The following AHNAK variants were observed in gnomAD, a reference collection of about 807,000 sequenced individuals.
AHNAK encodes AHNAK nucleoprotein.
A neutral mutation model predicts 37.8 loss-of-function variants in AHNAK; 23 were observed. The ratio of observed to expected loss-of-function variants is 0.61; its 90% CI spans 0.44 to 0.86. AHNAK has a LOEUF of 0.86. Ranked by LOEUF, AHNAK falls within the 40% of genes least tolerant of loss-of-function variation. The pLI is 0.00. For synonymous variants in AHNAK, 2,481 were observed against 2,636.3 expected (o/e 0.94, Z 1.80); for missense variants, 7,411 against 7,319.4 (o/e 1.01, Z -0.46).
intron 5 of AHNAK, among the ~76,000 whole-genome samples, chr11:62,445,781 C>T (rs1368305942): frequency 6.6e-6 from 1 of 151,680 alleles, no homozygotes; most frequent in Non-Finnish European, 1.5e-5. Flanking sequence ...CTTTGGGAGG[C>T]TGAGGCAGCC....
rs1661242369 is a variant in AHNAK at position 62,533,603 on chromosome 11, C to G, written c.814G>C (p.Gly272Arg). 1.9e-6 allele frequency: 3 copies of G among 1,614,042 alleles called. No homozygotes were observed. Among genetic ancestry groups the G allele is most frequent in the Non-Finnish European group, 2.5e-6 (3 of 1,180,038 alleles). The change falls in exon 5 of 5, where the codon GGG (glycine) becomes CGG (arginine). Residue 272 changes from glycine to arginine, a missense_variant. By Grantham distance (125) the Gly-to-Arg change is moderately radical (BLOSUM62 -2). Coordinates refer to ENST00000378024, the MANE Select transcript of AHNAK (RefSeq NM_001620.3). ...AKGLDLGGRG[G>R]VQVPAVDISS... Reference sequence around the variant, plus strand: ...ATGTCCACTGCTGGAACTTGGACCCCTCCTCTGCCACCCAAGTCCAAGCCC... The same window carrying G: ...ATGTCCACTGCTGGAACTTGGACCCGTCCTCTGCCACCCAAGTCCAAGCCC...
intron 5 of AHNAK, among the ~76,000 whole-genome samples, chr11:62,469,424 A>T (rs976214760): frequency 6.7e-6 from 1 of 150,164 alleles, no homozygotes; most frequent in African/African-American, 2.5e-5. Context: ...GTCCAGCCCC[A>T]ATTAGGATCT....
chr11:62,532,991 T>G lies in AHNAK; in HGVS notation c.1426A>C (p.Thr476Pro). Residue 476 changes from threonine (T) to proline (P), a missense_variant, in exon 5 of 5, where the codon ACT becomes CCT. Coordinates refer to ENST00000378024, the MANE Select transcript of AHNAK (RefSeq NM_001620.3). ...SGDVSLPEIATGGLEGKMKGT... is the reference protein window; with the variant it reads ...SGDVSLPEIAPGGLEGKMKGT... ...TTCATCTTTCCTTCCAGCCCACCAG[T>G]AGCAATCTCAGGCAGGCTGACATCC... is the stretch of plus-strand genomic sequence containing the variant. 1 of 1,614,150 alleles carries G rather than the reference T, an allele frequency of 6.2e-7. No individual in the cohort carries two copies. The highest frequency in any genetic ancestry group is 1.3e-5 in the African/African-American group (1 of 75,040).
intron 5 of AHNAK, among the ~76,000 whole-genome samples, chr11:62,436,160 G>A (rs573370099): frequency 6.6e-6 from 1 of 152,290 alleles, no homozygotes; most frequent in South Asian, 2.1e-4. Context: ...GAAGTTGCAG[G>A]CTCTTTTCCT....
At position 62,517,755 on chromosome 11, in the gene AHNAK, C is replaced by T. The variant is rs765156412; in HGVS notation, c.16662G>A (p.Glu5554=). 2 of 1,614,206 alleles carry T rather than the reference C, an allele frequency of 1.2e-6. No homozygotes were observed. The highest frequency in any genetic ancestry group is 1.7e-5 in the Admixed American group (1 of 60,016). ...KGPAFNMASP[E]SDFGINLKGP... Reference sequence around the variant, plus strand: ...CCTTCAAGTTGATGCCAAAATCTGACTCAGGAGATGCCATATTAAAGGCAG... The same window carrying T: ...CCTTCAAGTTGATGCCAAAATCTGATTCAGGAGATGCCATATTAAAGGCAG... Residue 5554 remains glutamate (E), a synonymous_variant, in exon 5 of 5, where the codon GAG becomes GAA. Transcript: ENST00000378024.
rs1470754863 is a variant in AHNAK at position 62,522,406 on chromosome 11, G to A, written c.12011C>T (p.Pro4004Leu). Residue 4004 changes from proline to leucine, a missense_variant, in exon 5 of 5, where the codon CCT becomes CTT. Transcript: ENST00000378024. ...MNIKAPKISM[P>L]DFDLHLKGPK... is the part of the protein sequence containing the mutation. ...GCCTTTCAGATGCAAATCAAAGTCA[G>A]GCATGGAGATCTTGGGGGCTTTGAT... The A allele has an allele frequency of 4.3e-6, 7 of 1,613,942 alleles. No homozygotes were observed. The highest frequency in any genetic ancestry group is 5.9e-6 in the Non-Finnish European group (7 of 1,180,040).
chr11:62,443,133 C>G (rs1329145430), intron 5 of AHNAK, among the ~76,000 whole-genome samples: 1 of 150,498 alleles, frequency 6.6e-6, no homozygotes, highest in Non-Finnish European at 1.5e-5. Context: ...CACCACTTCA[C>G]TCCCGGCTAA....
intron 5 of AHNAK, among the ~76,000 whole-genome samples, chr11:62,465,539 G>A (rs1434142890): frequency 2.0e-5 from 3 of 152,102 alleles, no homozygotes; most frequent in Admixed American, 2.0e-4. Context: ...CTTGAACCCA[G>A]GAGGCGGAGG....
At position 62,516,412 on chromosome 11, in the gene AHNAK, C is replaced by A; in HGVS notation, c.*332G>T. 8.1e-7 allele frequency: 1 copy of A among 1,240,322 alleles called. No homozygotes were observed. Among genetic ancestry groups the A allele is most frequent in the South Asian group, 1.4e-5 (1 of 69,940 alleles). The allele number at this position is 1,240,322 out of a possible 1,614,324, so 76.8% of individuals were successfully genotyped here. On this transcript the variant is annotated 3_prime_UTR_variant, in exon 5 of 5. Transcript: ENST00000378024. Reference sequence around the variant, plus strand: ...CCATTACCCCAAAACTAACAATGTTCAGTAAAAATGAGGATAATAAACACA... The same window carrying A: ...CCATTACCCCAAAACTAACAATGTTAAGTAAAAATGAGGATAATAAACACA...
intron 5 of AHNAK, among the ~76,000 whole-genome samples, chr11:62,468,220 C>T (rs975526932): frequency 1.3e-5 from 2 of 151,984 alleles, no homozygotes; most frequent in Non-Finnish European, 2.9e-5. Flanking sequence ...TGATGGCACG[C>T]GCCTGTAGTC....
chr11:62,506,311 C>T (rs1939811504), intron 4 of AHNAK, among the ~76,000 whole-genome samples: 1 of 151,878 alleles, frequency 6.6e-6, no homozygotes. Context: ...GGAAGGGTGT[C>T]GGGGTTTGTG....
intron 4 of AHNAK, among the ~76,000 whole-genome samples, chr11:62,510,010 G>A (rs1237016911): frequency 2.6e-5 from 4 of 152,146 alleles, no homozygotes; most frequent in Non-Finnish European, 5.9e-5. Flanking sequence ...ATATGTCAAT[G>A]TTTTGTTTCC....
intron 5 of AHNAK, among the ~76,000 whole-genome samples, chr11:62,441,625 C>T (rs1312859456): frequency 6.6e-6 from 1 of 151,918 alleles, no homozygotes; most frequent in Non-Finnish European, 1.5e-5. Context: ...CCTTAGCCTC[C>T]CGAGTAGCTG....
chr11:62,530,052 A>G lies in AHNAK; in HGVS notation c.4365T>C (p.Asp1455=). The stretch of plus-strand genomic sequence containing the variant: ...TAGGACCTTTCAAATGCAAACCAAC[A>G]TCTGGTATGGATATCTTCTGAGGCT... ...SIKPQKISIP[D]VGLHLKGPKM... is the part of the protein sequence containing the mutation. Residue 1455 remains aspartate, a synonymous_variant, in exon 5 of 5, where the codon GAT becomes GAC. Transcript: ENST00000378024. 1 of 1,613,900 alleles carries G rather than the reference A, an allele frequency of 6.2e-7. No individual in the cohort carries two copies. Among genetic ancestry groups the G allele is most frequent in the Non-Finnish European group, 8.5e-7 (1 of 1,179,942 alleles).
At chr11:62,456,603 G>T (rs192491226) in intron 5 of AHNAK, among the ~76,000 whole-genome samples, 35 of 152,160 alleles carry the variant, frequency 2.3e-4, no homozygotes, top group East Asian at 1.9e-3. Context: ...GTGAGGCTTG[G>T]CCCCATAGCT....
At chr11:62,453,356 A>T (rs1391263089) in intron 5 of AHNAK, among the ~76,000 whole-genome samples, 1 of 152,166 alleles carries the variant, frequency 6.6e-6, no homozygotes, top group Non-Finnish European at 1.5e-5. Context: ...AGGAGAAACC[A>T]TGACATTCAG....
rs777135489 is a variant in AHNAK, at chr11:62,535,062, C to T, written c.283G>A (p.Glu95Lys). 2.5e-6 allele frequency: 4 copies of T among 1,613,762 alleles called. No homozygotes were observed. Among genetic ancestry groups the T allele is most frequent in the East Asian group, 2.2e-5 (1 of 44,896 alleles). Residue 95 changes from glutamate to lysine, a missense_variant, in exon 4 of 5, where the codon GAG (glutamate) becomes AAG (lysine). Transcript: ENST00000378024. The stretch of plus-strand genomic sequence containing the variant: ...TCACGGGTCCAGGTCTGGCCAGGCT[C>T]GGGAGAGCGGTCCCCCTTGCGGTGC... Reference protein sequence around the residue: ...KLHRKGDRSPEPGQTWTREVF... With the variant: ...KLHRKGDRSPKPGQTWTREVF...
Position 62,519,096 on chromosome 11 carries a change from A to G in AHNAK, c.15321T>C (p.Pro5107=), listed in dbSNP as rs1940133138. 1.2e-6 allele frequency: 2 copies of G among 1,613,314 alleles called. No homozygotes were observed. Among genetic ancestry groups the G allele is most frequent in the Admixed American group, 1.7e-5 (1 of 59,866 alleles). Reference sequence around the variant, plus strand: ...CACCCTCCAGTTTGGGGCTAGGGAGAGGGGCCTCAGCTTTAAATTTAGGTG... The same window carrying G: ...CACCCTCCAGTTTGGGGCTAGGGAGGGGGGCCTCAGCTTTAAATTTAGGTG... ...IKSPKFKAEA[P]LPSPKLEGEL... is the part of the protein sequence containing the mutation. The change falls in exon 5 of 5, where the codon CCT becomes CCC. Residue 5107 remains proline (P), a synonymous_variant. Transcript: ENST00000378024.
In AHNAK at chr11:62,533,283, T is replaced by C. The variant is rs751071735; in HGVS notation, c.1134A>G (p.Pro378=). The change falls in exon 5 of 5, where the codon CCA becomes CCG. Residue 378 remains proline, a synonymous_variant. Coordinates refer to ENST00000378024, the MANE Select transcript of AHNAK (RefSeq NM_001620.3). The part of the protein sequence containing the change: ...GKLKGPQITG[P]SLEGDLGLKG... ...TCAGGCCTAGGTCACCCTCAAGTGATGGCCCAGTGATTTGGGGGCCCTTCA... is the reference window on the plus strand; with the variant it reads ...TCAGGCCTAGGTCACCCTCAAGTGACGGCCCAGTGATTTGGGGGCCCTTCA... 9.8e-6 allele frequency: 15 copies of C among 1,528,888 alleles called. No individual in the cohort carries two copies. In the African/African-American group the frequency reaches 1.7e-4, roughly 17 times the overall value. 94.7% of individuals were successfully genotyped at this position (1,528,888 alleles called of 1,614,324 possible).
Sources: allele counts gnomAD v4.1 joint callset (sites outside exome capture counted in the v4.1 genomes callset), GRCh38; gene constraint gnomAD v4.1.1; transcripts MANE v1.5; gene names NCBI Gene and HGNC (gene_info 2026-07-23, HGNC 2026-07-21).